CUL1: variants seen among roughly 807,000 people sequenced by gnomAD.
CUL1 encodes the protein cullin 1, also known as cullin-1.
Under a neutral mutation model 118.0 loss-of-function variants are expected in CUL1, and 24 were observed. That is an observed-to-expected ratio of 0.20 (90% CI 0.15 to 0.29). The LOEUF is 0.29. Among genes scored for constraint, CUL1 ranks in the 10% least tolerant of loss-of-function variants. The pLI, the probability that CUL1 is intolerant of heterozygous loss-of-function variation, is 1.00. For missense variants in CUL1, 361 were observed against 933.8 expected (o/e 0.39, Z 7.99); for synonymous variants, 332 against 340.4 (o/e 0.98, Z 0.27).
In CUL1 at chr7:148,775,316, C is replaced by A. The variant is rs1048006987; in HGVS notation, c.1083+7567C>A. Among the ~76,000 whole-genome samples the A allele has an allele frequency of 3.9e-5, 6 of 152,154 alleles. No individual in the cohort carries two copies. The South Asian group carries it at 1.2e-3, about 32-fold the overall frequency. On this transcript the variant is annotated intron_variant, in intron 9 of 21. Transcript: ENST00000325222. Reference sequence around the variant, plus strand: ...ACAGAACCTTACATTTGGAGTGTAACCCAGCTTGGTTTGTTCAAAGGAGAT... The same window carrying A: ...ACAGAACCTTACATTTGGAGTGTAAACCAGCTTGGTTTGTTCAAAGGAGAT...
rs1801353308 is a variant in CUL1, at chr7:148,800,550, G to T, written c.2299G>T (p.Gly767Cys). Reference protein sequence around the residue: ...IEKEYLERVDGEKDTYSYLA With the variant: ...IEKEYLERVDCEKDTYSYLA ...GAAAGAATATTTGGAGCGAGTGGAT[G>T]GTGAAAAGGACACCTACAGTTACTT... Residue 767 changes from glycine to cysteine, a missense_variant, in exon 22 of 22, where the codon GGT becomes TGT. Physicochemically the swap from Gly to Cys is radical, Grantham distance 159. Transcript: ENST00000325222. This position sits in a 1 kb window ranked among gnomAD's most constrained non-coding sequence, Gnocchi z 4.6. 6.2e-7 allele frequency: 1 copy of T among 1,613,830 alleles called. No individual in the cohort carries two copies.
Position 148,799,407 on chromosome 7 carries a change from CA to C in CUL1, c.2250+20del. 1 of 1,441,374 alleles carries C rather than the reference CA, an allele frequency of 6.9e-7. No individual in the cohort carries two copies. The highest frequency in any genetic ancestry group is 9.7e-7 in the Non-Finnish European group (1 of 1,028,204). The allele number at this position is 1,441,374 out of a possible 1,614,324, so 89.3% of individuals were successfully genotyped here. A position where few individuals can be genotyped will look rare whatever the true frequency, so the allele number is the denominator to read the frequency against. On this transcript the variant is annotated intron_variant, in intron 21 of 21. Transcript: ENST00000325222. ...GATCAAGGTACAGGACTTTACATAG[CA>C]GTCACATTCCTTTCTTAATTTAGAA... is the stretch of plus-strand genomic sequence containing the variant.
intron 1 of CUL1, among the ~76,000 whole-genome samples, chr7:148,712,649 A>G (rs1798086723): frequency 6.6e-6 from 1 of 152,228 alleles, no homozygotes; most frequent in African/African-American, 2.4e-5. Context: ...ACCGTGTGTC[A>G]AGGACTCTGC....
At chr7:148,783,935 G>C (rs1252473768) in intron 10 of CUL1, 36 bp from the exon 11 acceptor site, 2 of 1,613,182 alleles carry the variant, frequency 1.2e-6, no homozygotes, top group South Asian at 2.2e-5. Context: ...TGTATGGATG[G>C]GGCGTTTGTC....
intron 1 of CUL1, among the ~76,000 whole-genome samples, chr7:148,727,163 A>T (rs1798614003): frequency 6.6e-6 from 1 of 152,230 alleles, no homozygotes; most frequent in Admixed American, 6.5e-5. Flanking sequence ...CTAAGTAGTC[A>T]CTAAAATCCT....
chr7:148,764,061 G>C (rs1799926518), intron 7 of CUL1, among the ~76,000 whole-genome samples: 2 of 152,314 alleles, frequency 1.3e-5, no homozygotes, highest in South Asian at 4.1e-4. Flanking sequence ...CTGAGCTACA[G>C]AAACTCTGTA....
chr7:148,784,559 G>A (rs535242363), intron 11 of CUL1, among the ~76,000 whole-genome samples: 297 of 152,168 alleles, frequency 2.0e-3, no homozygotes, highest in African/African-American at 6.8e-3. Context: ...TCTCCTCTGC[G>A]TGTGTTTTTT....
At chr7:148,721,936 T>C (rs1035248963) in intron 1 of CUL1, among the ~76,000 whole-genome samples, 2 of 152,242 alleles carry the variant, frequency 1.3e-5, no homozygotes, top group Non-Finnish European at 2.9e-5. Context: ...CTGGCGTTCA[T>C]ATACAAGAGT....
At chr7:148,786,748 C>G in intron 12 of CUL1, 149 bp downstream of exon 12, 1 of 812,278 alleles carries the variant, frequency 1.2e-6, no homozygotes, top group Non-Finnish European at 2.0e-6. Flanking sequence ...AATTGAGTTA[C>G]TACTTTTAGC....
chr7:148,726,571 C>T (rs1798591227), intron 1 of CUL1, among the ~76,000 whole-genome samples: 1 of 152,154 alleles, frequency 6.6e-6, no homozygotes, highest in African/African-American at 2.4e-5. Context: ...AGTGGTTTCA[C>T]TGTTTTGACA....
intron 17 of CUL1, 137 bp from the exon 18 acceptor site, chr7:148,797,675 C>T: frequency 9.2e-6 from 6 of 654,042 alleles, no homozygotes; most frequent in East Asian, 2.8e-5. Context: ...ACTTTTTTTT[C>T]CTTCCAGCAT....
At chr7:148,743,292 G>A (rs890837121) in intron 2 of CUL1, among the ~76,000 whole-genome samples, 6 of 152,282 alleles carry the variant, frequency 3.9e-5, no homozygotes, top group Admixed American at 2.6e-4. Context: ...ATCAGCTTGC[G>A]GGAGATGATT....
intron 2 of CUL1, among the ~76,000 whole-genome samples, chr7:148,743,608 T>A (rs561869693): frequency 1.3e-5 from 2 of 152,286 alleles, no homozygotes; most frequent in South Asian, 4.1e-4. Context: ...TCTGTCAAAT[T>A]TTCATATATT....
At chr7:148,699,816 C>G (rs911416071) in intron 1 of CUL1, among the ~76,000 whole-genome samples, 1 of 152,000 alleles carries the variant, frequency 6.6e-6, no homozygotes, top group East Asian at 1.9e-4. Flanking sequence ...TCGGCGCGCC[C>G]CCGGTCCCAA....
At position 148,760,329 on chromosome 7, in the gene CUL1, C is replaced by G; in HGVS notation, c.626-4C>G. ...ATTGAAATATAGCTCATATTCATTTCTAGTGGAATTGGGGCTGAATGAAGA... is the reference window on the plus strand; with the variant it reads ...ATTGAAATATAGCTCATATTCATTTGTAGTGGAATTGGGGCTGAATGAAGA... On this transcript the variant is annotated splice_region_variant and splice_polypyrimidine_tract_variant and intron_variant, in intron 6 of 21. Transcript: ENST00000325222. 2 of 1,593,196 alleles carry G rather than the reference C, an allele frequency of 1.3e-6. No individual in the cohort carries two copies. The highest frequency in any genetic ancestry group is 1.7e-6 in the Non-Finnish European group (2 of 1,171,924).
In CUL1 at chr7:148,774,620, A is replaced by G. The variant is rs905407832; in HGVS notation, c.1083+6871A>G. ...AGGCTATAAGAGAATATCTCCTTAC[A>G]CTTGGTCTTCAGGGCAGAAGTAGCA... On this transcript the variant is annotated intron_variant, in intron 9 of 21. Transcript: ENST00000325222. Among the ~76,000 whole-genome samples, 11 of 152,202 alleles carry G rather than the reference A, an allele frequency of 7.2e-5. 1 individual carries two copies. The highest frequency in any genetic ancestry group is 7.2e-4 in the Admixed American group (11 of 15,288).
intron 1 of CUL1, among the ~76,000 whole-genome samples, chr7:148,705,843 G>C (rs1797862957): frequency 6.6e-6 from 1 of 152,190 alleles, no homozygotes; most frequent in South Asian, 2.1e-4. Flanking sequence ...AAAAATTCCA[G>C]ACTGATTCTT....
Position 148,787,234 on chromosome 7 carries a change from G to A in CUL1, c.1479+114G>A, listed in dbSNP as rs1405235536. On this transcript the variant is annotated intron_variant, in intron 13 of 21. Transcript: ENST00000325222. This position sits in a 1 kb window ranked among gnomAD's most constrained non-coding sequence, Gnocchi z 5.5. ...TCCCAGCACTTTGGGAGGCCGAGGC[G>A]GGCAGATCACGAGGTCAGGAGATCG... 16 of 1,034,034 alleles carry A rather than the reference G, an allele frequency of 1.5e-5. No homozygotes were observed. Among genetic ancestry groups the A allele is most frequent in the South Asian group, 4.4e-5 (3 of 67,762 alleles). The allele number at this position is 1,034,034 out of a possible 1,614,324, so 64.1% of individuals were successfully genotyped here. A position where few individuals can be genotyped will look rare whatever the true frequency, so the allele number is the denominator to read the frequency against.
intron 7 of CUL1, among the ~76,000 whole-genome samples, chr7:148,761,344 C>T (rs1316286020): frequency 6.6e-6 from 1 of 152,066 alleles, no homozygotes; most frequent in Non-Finnish European, 1.5e-5. Flanking sequence ...CCCGTTTCTA[C>T]TAAAAATACA....
Sources: allele counts gnomAD v4.1 joint callset (sites outside exome capture counted in the v4.1 genomes callset), GRCh38; gene constraint gnomAD v4.1.1; non-coding constraint Gnocchi (gnomAD v3.1); transcripts MANE v1.5; gene names NCBI Gene and HGNC (gene_info 2026-07-23, HGNC 2026-07-21).